TENT4A: variants seen among roughly 807,000 people sequenced by gnomAD.
TENT4A encodes the protein terminal nucleotidyltransferase 4A, also known as DNA polymerase kappa.
TENT4A carries 7 observed loss-of-function variants against 72.8 expected under a neutral mutation model. The ratio of observed to expected loss-of-function variants is 0.10; its 90% confidence interval spans 0.05 to 0.18. TENT4A has a LOEUF of 0.18. Among genes scored for constraint, TENT4A ranks in the 10% least tolerant of loss-of-function variants. The probability of loss-of-function intolerance (pLI) is 1.00; values close to 1 mark genes in which losing one functional copy is unlikely to be tolerated. For synonymous variants in TENT4A, 456 were observed against 434.3 expected (o/e 1.05, Z -0.62); for missense variants, 831 against 1,017.7 (o/e 0.82, Z 2.50).
chr5:6,727,132 C>T (rs1159372568), intron 1 of TENT4A, among the ~76,000 whole-genome samples: 1 of 152,182 alleles, frequency 6.6e-6, no homozygotes. Context: ...AGCAGGGCAT[C>T]CTGGGCTTCC....
intron 1 of TENT4A, 109 bp from the exon 2 acceptor site, chr5:6,737,401 A>C: frequency 1.0e-6 from 1 of 1,000,020 alleles, no homozygotes; most frequent in Non-Finnish European, 1.5e-6. Context: ...AATGAAACTG[A>C]ATTTCGTGGC....
intron 1 of TENT4A, among the ~76,000 whole-genome samples, chr5:6,724,890 G>C (rs1210406009): frequency 6.6e-6 from 1 of 152,182 alleles, no homozygotes; most frequent in African/African-American, 2.4e-5. Flanking sequence ...GCTGTTCTCG[G>C]CACAGCTGGC....
intron 4 of TENT4A, 66 bp downstream of exon 4, chr5:6,739,918 A>T (rs2126636647): frequency 6.6e-7 from 1 of 1,514,154 alleles, no homozygotes; most frequent in South Asian, 1.1e-5. Flanking sequence ...TGGTCACAGG[A>T]TACGCCTGCG....
rs748261070 is a variant in TENT4A at position 6,737,538 on chromosome 5, A to T, written c.745A>T (p.Asn249Tyr). The change falls in exon 2 of 13, where the codon AAC (asparagine) becomes TAC (tyrosine). Residue 249 changes from asparagine to tyrosine, a missense_variant. This residue lies in a region of TENT4A where 197 missense variants were observed against 399.6 expected (regional missense o/e 0.49). Coordinates refer to ENST00000230859, the MANE Select transcript of TENT4A (RefSeq NM_006999.6). ...GLHEEIIDFY[N>Y]FMSPCPEEAA... ...ACATGAGGAAATAATTGACTTTTAT[A>T]ACTTCATGTCCCCTTGTCCTGAAGA... 6.2e-7 allele frequency: 1 copy of T among 1,612,848 alleles called. No individual in the cohort carries two copies. Among genetic ancestry groups the T allele is most frequent in the Admixed American group, 1.7e-5 (1 of 59,776 alleles).
At chr5:6,731,250 G>A (rs1204500585) in intron 1 of TENT4A, among the ~76,000 whole-genome samples, 1 of 152,222 alleles carries the variant, frequency 6.6e-6, no homozygotes, top group Non-Finnish European at 1.5e-5. Context: ...AGGAGAGGAA[G>A]AGAATAAATT....
intron 4 of TENT4A, among the ~76,000 whole-genome samples, chr5:6,742,031 A>G (rs1579483980): frequency 1.3e-5 from 2 of 152,226 alleles, no homozygotes; most frequent in African/African-American, 4.8e-5. Context: ...TTTTTAGTAA[A>G]GTTGTCTTAA....
chr5:6,714,674 C>G lies in TENT4A; in HGVS notation c.691C>G (p.Arg231Gly). 8.4e-7 allele frequency: 1 copy of G among 1,196,298 alleles called. No individual in the cohort carries two copies. The highest frequency in any genetic ancestry group is 4.2e-5 in the South Asian group (1 of 24,016). The allele number at this position is 1,196,298 out of a possible 1,614,324, so 74.1% of individuals were successfully genotyped here. A position where few individuals can be genotyped will look rare whatever the true frequency, so the allele number is the denominator to read the frequency against. ...APRPGTPWKS[R>G]AYSPGIQGLH... Reference sequence around the variant, plus strand: ...GCGGCCCGGCACCCCGTGGAAGAGCCGCGCGTACAGCCCGGGCATCCAGGG... The same window carrying G: ...GCGGCCCGGCACCCCGTGGAAGAGCGGCGCGTACAGCCCGGGCATCCAGGG... Residue 231 changes from arginine to glycine, a missense_variant, in exon 1 of 13, where the codon CGC (arginine) becomes GGC (glycine). Arg to Gly is a moderately radical substitution (Grantham distance 125, BLOSUM62 -2). Coordinates refer to ENST00000230859, the MANE Select transcript of TENT4A (RefSeq NM_006999.6).
intron 1 of TENT4A, among the ~76,000 whole-genome samples, chr5:6,732,189 T>G (rs1391449043): frequency 6.6e-6 from 1 of 152,204 alleles, no homozygotes; most frequent in African/African-American, 2.4e-5. Flanking sequence ...CCTGCCTGGG[T>G]GAGGCAGTGC....
chr5:6,728,512 C>T (rs1489244704), intron 1 of TENT4A, among the ~76,000 whole-genome samples: 1 of 152,166 alleles, frequency 6.6e-6, no homozygotes, highest in Non-Finnish European at 1.5e-5. Context: ...AGGGGCCTTG[C>T]CTTTGGCAGG....
intron 1 of TENT4A, among the ~76,000 whole-genome samples, chr5:6,717,231 A>T (rs1740433725): frequency 6.6e-6 from 1 of 152,262 alleles, no homozygotes; most frequent in Non-Finnish European, 1.5e-5. Context: ...GTTGTGGCTT[A>T]GCTAAGGAAA....
intron 11 of TENT4A, 41 bp from the exon 12 acceptor site, chr5:6,752,832 A>G (rs774025143): frequency 3.8e-6 from 6 of 1,587,758 alleles, no homozygotes; most frequent in Non-Finnish European, 4.3e-6. Flanking sequence ...TTTTCCTCTG[A>G]TTGCTTTGGT....
chr5:6,739,505 G>A (rs1276949053), intron 3 of TENT4A, among the ~76,000 whole-genome samples: 1 of 152,216 alleles, frequency 6.6e-6, no homozygotes, highest in Non-Finnish European at 1.5e-5. Context: ...TAACCTTCTT[G>A]CTTTCCATCT....
rs28381435 is a variant in TENT4A, at chr5:6,755,000, C to T, written c.*55C>T. On this transcript the variant is annotated 3_prime_UTR_variant, in exon 13 of 13. Transcript: ENST00000230859. ...CCCTCTGCAGACTGCCCCGCGGCCTCGGCCACCGGCAGGGGAACCGAGACC... is the reference window on the plus strand; with the variant it reads ...CCCTCTGCAGACTGCCCCGCGGCCTTGGCCACCGGCAGGGGAACCGAGACC... The T allele has an allele frequency of 4.1e-4, 595 of 1,448,612 alleles. 3 individuals are homozygous for T. The East Asian group carries it at 0.013, about 31-fold the overall frequency. 89.7% of individuals were successfully genotyped at this position (1,448,612 alleles called of 1,614,324 possible). A position where few individuals can be genotyped will look rare whatever the true frequency, so the allele number is the denominator to read the frequency against.
intron 2 of TENT4A, among the ~76,000 whole-genome samples, chr5:6,738,043 C>T (rs1162032444): frequency 6.6e-6 from 1 of 151,858 alleles, no homozygotes; most frequent in Non-Finnish European, 1.5e-5. Context: ...ATAATGTGCT[C>T]ATTTTTGTAA....
At chr5:6,735,042 AC>A (rs1741405896) in intron 1 of TENT4A, among the ~76,000 whole-genome samples, 1 of 152,206 alleles carries the variant, frequency 6.6e-6, no homozygotes, top group Non-Finnish European at 1.5e-5. Flanking sequence ...TGTTGCCGTT[AC>A]TTCAGGTAGA....
intron 1 of TENT4A, among the ~76,000 whole-genome samples, chr5:6,725,410 G>T (rs1162130113): frequency 1.3e-5 from 2 of 152,210 alleles, no homozygotes; most frequent in Non-Finnish European, 2.9e-5. Flanking sequence ...CTGTCTGAGG[G>T]CCTGCCCAGT....
chr5:6,720,271 C>A (rs1448921774), intron 1 of TENT4A, among the ~76,000 whole-genome samples: 3 of 152,136 alleles, frequency 2.0e-5, no homozygotes, highest in Non-Finnish European at 4.4e-5. Context: ...CTCATCAGAG[C>A]CACAGGTTCC....
chr5:6,717,855 G>T (rs1406390136), intron 1 of TENT4A, among the ~76,000 whole-genome samples: 1 of 152,238 alleles, frequency 6.6e-6, no homozygotes, highest in East Asian at 1.9e-4. Flanking sequence ...GGTCGTTCTA[G>T]CAGCTTTGGA....
chr5:6,721,824 C>T (rs570059360), intron 1 of TENT4A, among the ~76,000 whole-genome samples: 6 of 152,260 alleles, frequency 3.9e-5, no homozygotes, highest in Admixed American at 6.5e-5. Context: ...AATCAGCTGC[C>T]GTGCATAACC....
Sources: allele counts gnomAD v4.1 joint callset (sites outside exome capture counted in the v4.1 genomes callset), GRCh38; gene constraint gnomAD v4.1.1; regional missense constraint gnomAD v4.1.1; transcripts MANE v1.5; gene names NCBI Gene and HGNC (gene_info 2026-07-23, HGNC 2026-07-21).